Variants in CLCN5 observed in about 807,000 individuals in gnomAD.
CLCN5 encodes Cl-/H+ antiporter 5, also known as H(+)/Cl(-) exchange transporter 5.
A neutral mutation model predicts 54.0 loss-of-function variants in CLCN5; 17 were observed. That is an observed-to-expected ratio of 0.31 (90% CI 0.22 to 0.47). CLCN5 has a LOEUF of 0.47. Ranked by LOEUF, CLCN5 falls within the 20% of genes least tolerant of loss-of-function variation. The pLI, the probability that CLCN5 is intolerant of heterozygous loss-of-function variation, is 1.00. For synonymous variants in CLCN5, 222 were observed against 233.0 expected, an observed-to-expected ratio of 0.95 and a Z score of 0.43; for missense variants, 448 against 646.7, an observed-to-expected ratio of 0.69 and a Z score of 3.33.
intron 3 of CLCN5, among the ~76,000 whole-genome samples, chrX:49,979,866 AT>A (rs1928653823): frequency 9.0e-6 from 1 of 110,845 alleles, no homozygotes; most frequent in Admixed American, 9.6e-5. Context: ...TGTACAATAG[AT>A]TCTTGAACCT....
chrX:50,050,169 C>T (rs1557188170), intron 4 of CLCN5: 1 of 111,943 alleles, frequency 8.9e-6, no homozygotes, highest in Non-Finnish European at 1.9e-5. Context: ...CACCTGTGTG[C>T]AGGTTTTTAT....
At position 50,080,734 on chromosome X, in the gene CLCN5, G is replaced by C; in HGVS notation, c.726+18G>C. 1 of 1,168,990 alleles carries C rather than the reference G, an allele frequency of 8.6e-7. No homozygotes were observed. The stretch of plus-strand genomic sequence containing the variant: ...TCCCTGAGGTGAGTCTCTTAAAATG[G>C]TTTATAAATGGTTACAATATGAATA... On this transcript the variant is annotated intron_variant, in intron 8 of 14. Coordinates refer to ENST00000376091, the MANE Select transcript of CLCN5 (RefSeq NM_001127898.4).
Position 50,086,888 on chromosome X carries a change from G to T in CLCN5, c.1557+18G>T. On this transcript the variant is annotated intron_variant, in intron 11 of 14. Coordinates refer to ENST00000376091, the MANE Select transcript of CLCN5 (RefSeq NM_001127898.4). Reference sequence around the variant, plus strand: ...GCATGAAGGTGAGGAATTCTTTTGGGACTCAGTGGCTGCATGCGTAGCTGT... The same window carrying T: ...GCATGAAGGTGAGGAATTCTTTTGGTACTCAGTGGCTGCATGCGTAGCTGT... 4 of 1,201,041 alleles carry T rather than the reference G, an allele frequency of 3.3e-6. No homozygotes were observed. Among genetic ancestry groups the T allele is most frequent in the Non-Finnish European group, 4.5e-6 (4 of 886,652 alleles).
intron 3 of CLCN5, among the ~76,000 whole-genome samples, chrX:49,952,997 T>A (rs1045848115): frequency 5.6e-4 from 61 of 109,648 alleles, no homozygotes; most frequent in African/African-American, 1.8e-3. Flanking sequence ...GCGATTCTCC[T>A]GCCTCAGCCT....
At chrX:49,952,580 G>A (rs1252690852) in intron 3 of CLCN5, among the ~76,000 whole-genome samples, 2 of 109,220 alleles carry the variant, frequency 1.8e-5, no homozygotes, top group African/African-American at 6.6e-5. Context: ...ACTCCTTCCT[G>A]CTCTCCAGAG....
At chrX:50,073,739 T>C (rs1274811214) in intron 6 of CLCN5, among the ~76,000 whole-genome samples, 2 of 111,767 alleles carry the variant, frequency 1.8e-5, no homozygotes, top group East Asian at 5.6e-4. Flanking sequence ...AGGAGCCAGA[T>C]AGTAAATATT....
At chrX:49,957,027 G>T (rs1173595293) in intron 3 of CLCN5, among the ~76,000 whole-genome samples, 2 of 112,075 alleles carry the variant, frequency 1.8e-5, no homozygotes, top group African/African-American at 6.5e-5. Context: ...GGCCGGGCGT[G>T]GTGGCTCATG....
intron 3 of CLCN5, among the ~76,000 whole-genome samples, chrX:50,029,471 A>G (rs1182694399): frequency 9.0e-6 from 1 of 111,089 alleles, no homozygotes; most frequent in East Asian, 2.8e-4. Flanking sequence ...GTCCCTACAA[A>G]GGACATGAAC....
At chrX:49,990,568 G>C (rs1384829917) in intron 3 of CLCN5, among the ~76,000 whole-genome samples, 2 of 111,546 alleles carry the variant, frequency 1.8e-5, no homozygotes, top group Non-Finnish European at 3.8e-5. Flanking sequence ...CTCCCAAGTA[G>C]CTGGGCTTAC....
At position 50,092,901 on chromosome X, in the gene CLCN5, C is replaced by A. The variant is rs1429571092; in HGVS notation, c.*682C>A. ...TTTTATAGCTTGCTTGTTGCTGGTA[C>A]TCTTTTGAAGTGCACAAAGATAAGT... On this transcript the variant is annotated 3_prime_UTR_variant, in exon 15 of 15. Transcript: ENST00000376091. The A allele has an allele frequency of 8.9e-6, 1 of 112,623 alleles. No homozygotes were observed. Among genetic ancestry groups the A allele is most frequent in the Non-Finnish European group, 1.9e-5 (1 of 53,377 alleles). The allele number at this position is 112,623 out of a possible 1,213,427, so 9.3% of individuals were successfully genotyped here.
At chrX:49,953,874 C>T (rs782385468) in intron 3 of CLCN5, among the ~76,000 whole-genome samples, 21 of 111,944 alleles carry the variant, frequency 1.9e-4, no homozygotes, top group Non-Finnish European at 3.4e-4. Context: ...TGTGTATTCT[C>T]GTTCAGAAAA....
At chrX:50,052,742 A>G (rs782187577) in intron 4 of CLCN5, among the ~76,000 whole-genome samples, 1 of 111,804 alleles carries the variant, frequency 8.9e-6, no homozygotes, top group East Asian at 2.8e-4. Flanking sequence ...TAAGTTCTGC[A>G]GGTCTATTTT....
intron 12 of CLCN5, among the ~76,000 whole-genome samples, chrX:50,089,190 C>T (rs1412503018): frequency 8.9e-6 from 1 of 111,976 alleles, no homozygotes; most frequent in Admixed American, 9.4e-5. Flanking sequence ...TTAGAATCAA[C>T]CTAAATTTGC....
Position 50,062,270 on chromosome X carries a change from G to A in CLCN5, c.164-7609G>A, listed in dbSNP as rs1476909335. On this transcript the variant is annotated intron_variant, in intron 4 of 14. Transcript: ENST00000376091. ...GCTGTATTCAGGAAACCCATCTCAC[G>A]TGCAGAGACACACATAGGCTCAAAA... Among the ~76,000 whole-genome samples, 3 of 57,706 alleles carry A rather than the reference G, an allele frequency of 5.2e-5. No homozygotes were observed. In the Admixed American group the frequency reaches 6.5e-4, roughly 13 times the overall value. 50.1% of individuals were successfully genotyped at this position (57,706 alleles called of 115,157 possible). A position where few individuals can be genotyped will look rare whatever the true frequency, so the allele number is the denominator to read the frequency against.
chrX:50,090,598 G>A (rs1285273659), intron 13 of CLCN5, 72 bp from the exon 14 acceptor site: 31 of 1,149,913 alleles, frequency 2.7e-5, no homozygotes, highest in Non-Finnish European at 2.2e-5. Flanking sequence ...GGGAAGGGGG[G>A]ACTGGTTAGG....
intron 3 of CLCN5, among the ~76,000 whole-genome samples, chrX:50,041,623 G>A (rs1031662797): frequency 1.8e-5 from 2 of 110,996 alleles, no homozygotes; most frequent in African/African-American, 3.3e-5. Flanking sequence ...CAATACTGAT[G>A]TCTAGTTTTT....
rs183529932 is a variant in CLCN5 at position 50,075,716 on chromosome X, A to G, written c.416-79A>G. ...TTCCTTTCCCCTCATTTTCTCTGAC[A>G]AAGCTTATTCTGATGACCAAAGAAC... On this transcript the variant is annotated intron_variant, in intron 6 of 14. Coordinates refer to ENST00000376091, the MANE Select transcript of CLCN5 (RefSeq NM_001127898.4). The G allele has an allele frequency of 5.5e-6, 5 of 912,508 alleles. No homozygotes were observed. In the East Asian group the frequency reaches 1.2e-4, roughly 23 times the overall value. 75.2% of individuals were successfully genotyped at this position (912,508 alleles called of 1,213,427 possible).
At position 50,086,616 on chromosome X, in the gene CLCN5, G is replaced by T; in HGVS notation, c.1303G>T (p.Ala435Ser). 8.3e-7 allele frequency: 1 copy of T among 1,210,806 alleles called. No homozygotes were observed. The highest frequency in any genetic ancestry group is 1.1e-6 in the Non-Finnish European group (1 of 895,120). ...TGTTATAGAGGTACTCGTCGTGACAGCCATCACTGCCATCCTGGCTTTCCC... is the reference window on the plus strand; with the variant it reads ...TGTTATAGAGGTACTCGTCGTGACATCCATCACTGCCATCCTGGCTTTCCC... ...YPVIEVLVVT[A>S]ITAILAFPNE... Residue 435 changes from alanine (A) to serine (S), a missense_variant, in exon 11 of 15, where the codon GCC becomes TCC. By Grantham distance (99) the Ala-to-Ser change is moderately conservative (BLOSUM62 1). Around this residue, in one of 5 missense-constraint regions of CLCN5, gnomAD observed 297 missense variants for 470.4 expected, o/e 0.63. Coordinates refer to ENST00000376091, the MANE Select transcript of CLCN5 (RefSeq NM_001127898.4).
chrX:50,081,081 ATT>A (rs1216427793), intron 8 of CLCN5, among the ~76,000 whole-genome samples: 1 of 111,967 alleles, frequency 8.9e-6, no homozygotes, highest in Admixed American at 9.4e-5. Flanking sequence ...CCACAATATG[ATT>A]TAGGCTACAT....
Sources: allele counts gnomAD v4.1 joint callset (sites outside exome capture counted in the v4.1 genomes callset), GRCh38; gene constraint gnomAD v4.1.1; regional missense constraint gnomAD v4.1.1; transcripts MANE v1.5; gene names NCBI Gene and HGNC (gene_info 2026-07-23, HGNC 2026-07-21).